PSD3: variants seen among roughly 807,000 people sequenced by gnomAD.
PSD3 encodes pleckstrin and Sec7 domain containing 3, also known as PH and SEC7 domain-containing protein 3.
In PSD3, 49 loss-of-function variants were observed where a neutral mutation model predicts 105.5. That is an observed-to-expected ratio of 0.46 (90% confidence interval 0.37 to 0.59). PSD3 has a LOEUF of 0.59. PSD3 is among the 20% of genes least tolerant of loss of function. The pLI, the probability that PSD3 is intolerant of heterozygous loss-of-function variation, is 0.00. For synonymous variants in PSD3, 557 were observed against 457.8 expected, an observed-to-expected ratio of 1.22 and a Z score of -2.77; for missense variants, 1,561 against 1,263.8, an observed-to-expected ratio of 1.24 and a Z score of -3.57.
At chr8:18,834,252 T>G (rs1476423703) in intron 4 of PSD3, among the ~76,000 whole-genome samples, 2 of 152,208 alleles carry the variant, frequency 1.3e-5, no homozygotes, top group African/African-American at 4.8e-5. Flanking sequence ...AAATCATGAT[T>G]TAATTGAGCC....
intron 9 of PSD3, among the ~76,000 whole-genome samples, chr8:18,675,949 C>T (rs545100540): frequency 6.6e-6 from 1 of 152,282 alleles, no homozygotes; most frequent in East Asian, 1.9e-4. Flanking sequence ...CAGGCATGAT[C>T]TAACAACAGG....
intron 8 of PSD3, among the ~76,000 whole-genome samples, chr8:18,775,667 C>T (rs1807990117): frequency 6.6e-6 from 1 of 152,090 alleles, no homozygotes; most frequent in Non-Finnish European, 1.5e-5. Flanking sequence ...AAATTTTGCC[C>T]ATTTTAAAAT....
At chr8:18,624,725 T>A (rs910333302) in intron 11 of PSD3, among the ~76,000 whole-genome samples, 1 of 151,472 alleles carries the variant, frequency 6.6e-6, no homozygotes, top group Non-Finnish European at 1.5e-5. Context: ...AAAAAAAAAA[T>A]TTCTTTATAA....
In PSD3 at chr8:18,997,786, T is replaced by C; in HGVS notation, c.21+15777A>G. Reference sequence around the variant, plus strand: ...CTTCCCGGTGCACTTACCTTCCTTCTTCAGGTCTTTCCTCATGCGTCACCT... The same window carrying C: ...CTTCCCGGTGCACTTACCTTCCTTCCTCAGGTCTTTCCTCATGCGTCACCT... On this transcript the variant is annotated intron_variant, in intron 1 of 15. Transcript: ENST00000327040. Among the ~76,000 whole-genome samples the C allele has an allele frequency of 1.3e-5, 2 of 151,858 alleles. 1 individual carries two copies. The highest frequency in any genetic ancestry group is 2.9e-5 in the Non-Finnish European group (2 of 67,948).
At chr8:18,938,210 T>C (rs1166030518) in intron 1 of PSD3, among the ~76,000 whole-genome samples, 1 of 152,200 alleles carries the variant, frequency 6.6e-6, no homozygotes, top group Non-Finnish European at 1.5e-5. Flanking sequence ...GCAGCAGAGA[T>C]ATCAGCTAGA....
rs183652194 is a variant in PSD3 at position 18,802,750 on chromosome 8, G to T, written c.1911-1368C>A. On this transcript the variant is annotated intron_variant, in intron 6 of 15. Transcript: ENST00000327040. ...ACTAGATGATCTCAGAATTCTTCCA[G>T]ACATGGACATTTTATAAATAGTGTT... Among the ~76,000 whole-genome samples, 523 of 152,216 alleles carry T rather than the reference G, an allele frequency of 3.4e-3. 11 individuals are homozygous for T. Among genetic ancestry groups the T allele is most frequent in the Admixed American group, 0.032 (491 of 15,294 alleles).
At chr8:18,810,874 T>G (rs1011061971) in intron 4 of PSD3, among the ~76,000 whole-genome samples, 1 of 152,120 alleles carries the variant, frequency 6.6e-6, no homozygotes, top group Non-Finnish European at 1.5e-5. Flanking sequence ...AGAGGGCGGG[T>G]ACAAACGCAC....
intron 10 of PSD3, among the ~76,000 whole-genome samples, chr8:18,652,425 A>C (rs975176782): frequency 6.6e-6 from 1 of 151,904 alleles, no homozygotes; most frequent in Non-Finnish European, 1.5e-5. Context: ...GTATGGGAGA[A>C]ACGGGAGAGC....
chr8:18,961,146 A>G (rs1030928749), intron 1 of PSD3, among the ~76,000 whole-genome samples: 4 of 152,132 alleles, frequency 2.6e-5, no homozygotes, highest in Admixed American at 2.6e-4. Context: ...GCAACTAGAC[A>G]GTTTACTACT....
intron 15 of PSD3, among the ~76,000 whole-genome samples, chr8:18,548,144 G>A (rs188049426): frequency 9.2e-5 from 14 of 152,108 alleles, no homozygotes; most frequent in African/African-American, 3.4e-4. Context: ...TTCAGCTCCA[G>A]AATTTGTTTG....
chr8:18,948,577 G>A (rs575333012), intron 1 of PSD3, among the ~76,000 whole-genome samples: 5 of 152,144 alleles, frequency 3.3e-5, no homozygotes, highest in Admixed American at 1.3e-4. Context: ...AGGCTCACAC[G>A]AAGTGTTCAA....
intron 4 of PSD3, among the ~76,000 whole-genome samples, chr8:18,830,021 G>A (rs959793718): frequency 6.6e-6 from 1 of 152,026 alleles, no homozygotes; most frequent in Non-Finnish European, 1.5e-5. Flanking sequence ...AGCCTGGAGC[G>A]CAGCGGTACA....
chr8:18,615,720 C>T (rs923831318), intron 11 of PSD3, among the ~76,000 whole-genome samples: 1 of 152,122 alleles, frequency 6.6e-6, no homozygotes, highest in African/African-American at 2.4e-5. Flanking sequence ...GTTAAATCAT[C>T]GCAGTCTATC....
At chr8:19,033,399 C>T (rs4921983) in intron 1 of PSD3, among the ~76,000 whole-genome samples, 38,624 of 151,932 alleles carry the variant, frequency 0.25, 6,046 homozygotes, top group Middle Eastern at 0.39. Context: ...TTGTCTTTTA[C>T]TACCTATTTT....
rs144493102 is a variant in PSD3 at position 19,024,633 on chromosome 8, G to C, written c.324+59573C>G. Among the ~76,000 whole-genome samples the C allele has an allele frequency of 1.0e-2, 1,517 of 152,260 alleles. 17 individuals carry two copies. Among genetic ancestry groups the C allele is most frequent in the Non-Finnish European group, 0.014 (960 of 68,018 alleles). On this transcript the variant is annotated intron_variant, in intron 1 of 1. Transcript: ENST00000521475. ...TGGAGCCCCTAGACTGCCCAAGGAT[G>C]GAGTTGGTTATCAGAAAGACGACAT...
intron 1 of PSD3, among the ~76,000 whole-genome samples, chr8:19,002,284 C>T (rs553015472): frequency 1.3e-5 from 2 of 152,132 alleles, no homozygotes; most frequent in South Asian, 4.2e-4. Context: ...GGCGACAACT[C>T]CCCCGTCTTC....
chr8:18,702,945 T>C (rs1347444543), intron 9 of PSD3, among the ~76,000 whole-genome samples: 2 of 152,188 alleles, frequency 1.3e-5, no homozygotes, highest in Non-Finnish European at 2.9e-5. Context: ...GGCATTTTAC[T>C]GCTTTGTGTA....
intron 12 of PSD3, among the ~76,000 whole-genome samples, chr8:18,598,995 AT>A (rs1456413404): frequency 6.6e-6 from 1 of 152,146 alleles, no homozygotes; most frequent in Non-Finnish European, 1.5e-5. Context: ...TACATATTCA[AT>A]AAAATCCCTG....
At chr8:18,965,222 G>T (rs1824164434) in intron 1 of PSD3, among the ~76,000 whole-genome samples, 1 of 151,996 alleles carries the variant, frequency 6.6e-6, no homozygotes, top group African/African-American at 2.4e-5. Context: ...CTCATTCACT[G>T]GTCATTCAGA....
Sources: gnomAD v4.1 joint callset for allele counts (sites outside exome capture counted in the v4.1 genomes callset) on GRCh38, gnomAD v4.1.1 for gene constraint, MANE v1.5 for transcripts, NCBI Gene and HGNC (gene_info 2026-07-23, HGNC 2026-07-21) for gene names.